CSMD1: variants seen among roughly 807,000 people sequenced by gnomAD.
CSMD1 encodes the protein CUB and sushi domain-containing protein 1.
Under a neutral mutation model 417.5 loss-of-function variants are expected in CSMD1, and 213 were observed. The ratio of observed to expected loss-of-function variants is 0.51; its 90% CI spans 0.46 to 0.57. The LOEUF (loss-of-function observed/expected upper bound fraction) is 0.57, where lower values mean the gene tolerates loss of function less well. CSMD1 is among the 20% of genes least tolerant of loss of function. The probability of loss-of-function intolerance (pLI) is 0.00; values close to 1 mark genes in which losing one functional copy is unlikely to be tolerated. For missense variants in CSMD1, 6,923 were observed against 4,529.7 expected (o/e 1.53, Z -15.17); for synonymous variants, 2,862 against 1,736.8 (o/e 1.65, Z -16.11).
intron 3 of CSMD1, among the ~76,000 whole-genome samples, chr8:4,120,963 G>A (rs934518753): frequency 3.3e-5 from 5 of 152,042 alleles, no homozygotes; most frequent in Admixed American, 2.6e-4. Context: ...TTTCTTACAT[G>A]GTCATGGACA....
At chr8:4,144,863 C>T (rs979215251) in intron 3 of CSMD1, among the ~76,000 whole-genome samples, 11 of 150,908 alleles carry the variant, frequency 7.3e-5, no homozygotes. Context: ...GAATTGTGTC[C>T]CTGGGAGAAG....
intron 30 of CSMD1, among the ~76,000 whole-genome samples, chr8:3,208,129 A>G (rs909169485): frequency 4.6e-5 from 7 of 152,256 alleles, no homozygotes; most frequent in African/African-American, 1.7e-4. Flanking sequence ...TCAGTCACAT[A>G]CAATTCAAAC....
At chr8:3,483,617 C>T (rs575995558) in intron 11 of CSMD1, among the ~76,000 whole-genome samples, 4 of 152,008 alleles carry the variant, frequency 2.6e-5, no homozygotes, top group African/African-American at 9.6e-5. Flanking sequence ...TATTTTATAG[C>T]CATTATAATC....
chr8:3,189,794 G>A (rs1209617276), intron 34 of CSMD1, 118 bp downstream of exon 34: 1 of 843,176 alleles, frequency 1.2e-6, no homozygotes, highest in African/African-American at 1.7e-5. Context: ...GAAACAAACT[G>A]CCCTTTAAAT....
intron 1 of CSMD1, among the ~76,000 whole-genome samples, chr8:4,760,019 A>T (rs149676417): frequency 1.4e-4 from 22 of 152,306 alleles, no homozygotes; most frequent in African/African-American, 5.3e-4. Context: ...ACTAATTTAC[A>T]TTCCACCAAC....
chr8:2,993,735 T>C (rs1806617423), intron 54 of CSMD1, among the ~76,000 whole-genome samples: 1 of 152,036 alleles, frequency 6.6e-6, no homozygotes, highest in Non-Finnish European at 1.5e-5. Flanking sequence ...TGGCTAAAGT[T>C]TTAGGACGTA....
intron 3 of CSMD1, among the ~76,000 whole-genome samples, chr8:4,174,945 G>A (rs1259648069): frequency 6.6e-6 from 1 of 150,832 alleles, no homozygotes. Flanking sequence ...ATTTAATATT[G>A]AAGTCTTTAA....
intron 8 of CSMD1, among the ~76,000 whole-genome samples, chr8:3,615,588 C>T (rs917207465): frequency 6.6e-6 from 1 of 152,144 alleles, no homozygotes; most frequent in African/African-American, 2.4e-5. Context: ...TACCATTTTA[C>T]CAACTTCAAT....
intron 1 of CSMD1, among the ~76,000 whole-genome samples, chr8:4,929,236 C>T (rs555806750): frequency 1.3e-5 from 2 of 152,082 alleles, no homozygotes. Flanking sequence ...TGAAAGCCAG[C>T]GAGAGAGGCT....
At chr8:4,609,362 C>T (rs2130786316) in intron 2 of CSMD1, among the ~76,000 whole-genome samples, 1 of 152,304 alleles carries the variant, frequency 6.6e-6, no homozygotes, top group East Asian at 1.9e-4. Flanking sequence ...GACTGCGTGA[C>T]TGCACTCCAG....
intron 1 of CSMD1, among the ~76,000 whole-genome samples, chr8:4,912,623 C>T (rs1805770389): frequency 6.6e-6 from 1 of 152,196 alleles, no homozygotes; most frequent in Non-Finnish European, 1.5e-5. Flanking sequence ...GTTTGTTTGG[C>T]TTCCTTTGTA....
chr8:4,309,440 A>C (rs1798437507), intron 3 of CSMD1, among the ~76,000 whole-genome samples: 1 of 150,146 alleles, frequency 6.7e-6, no homozygotes, highest in Non-Finnish European at 1.5e-5. Flanking sequence ...AATTTTTATA[A>C]TTTTAATATT....
intron 3 of CSMD1, among the ~76,000 whole-genome samples, chr8:4,212,045 TAATAATTCCTTTTC>T (rs896040866): frequency 3.9e-5 from 6 of 152,026 alleles, no homozygotes; most frequent in Non-Finnish European, 8.8e-5. Context: ...AAAAGGACCT[TAATAATTCCTTTTC>T]AACTGTAAGA....
intron 2 of CSMD1, among the ~76,000 whole-genome samples, chr8:4,577,033 T>C (rs1263824631): frequency 6.6e-6 from 1 of 152,216 alleles, no homozygotes; most frequent in Non-Finnish European, 1.5e-5. Context: ...AATTTTTATT[T>C]CTTTAATATT....
At chr8:3,655,601 G>A (rs923536176) in intron 7 of CSMD1, among the ~76,000 whole-genome samples, 6 of 151,290 alleles carry the variant, frequency 4.0e-5, no homozygotes, top group African/African-American at 1.2e-4. Flanking sequence ...GTCCCACCAG[G>A]CCCCTCAGGC....
At chr8:4,852,924 G>A (rs745853100) in intron 1 of CSMD1, among the ~76,000 whole-genome samples, 2 of 151,954 alleles carry the variant, frequency 1.3e-5, no homozygotes, top group Non-Finnish European at 1.5e-5. Context: ...ATGATGAGAG[G>A]GTACATGGCA....
At chr8:3,294,216 G>A (rs1361790746) in intron 25 of CSMD1, among the ~76,000 whole-genome samples, 1 of 134,206 alleles carries the variant, frequency 7.5e-6, no homozygotes, top group Non-Finnish European at 1.7e-5. Context: ...GGCCGTGTGA[G>A]GTGTCTGTTG....
intron 5 of CSMD1, among the ~76,000 whole-genome samples, chr8:3,912,496 A>T (rs1450630794): frequency 6.6e-6 from 1 of 152,160 alleles, no homozygotes; most frequent in South Asian, 2.1e-4. Flanking sequence ...CTCAAGTGAA[A>T]CATATTGCAT....
At chr8:4,085,929 G>A (rs1177446596) in intron 3 of CSMD1, among the ~76,000 whole-genome samples, 3 of 152,048 alleles carry the variant, frequency 2.0e-5, no homozygotes, top group Non-Finnish European at 2.9e-5. Flanking sequence ...ATGGAAGGGG[G>A]CTCTGTATTA....
Sources: allele counts gnomAD v4.1 joint callset (sites outside exome capture counted in the v4.1 genomes callset), GRCh38; gene constraint gnomAD v4.1.1; transcripts MANE v1.5; gene names NCBI Gene and HGNC (gene_info 2026-07-23, HGNC 2026-07-21).